Variants in TSC2 observed in about 807,000 individuals in gnomAD.
TSC2 encodes the protein TSC complex subunit 2.
A neutral mutation model predicts 202.2 loss-of-function variants in TSC2; 29 were observed. That is an observed-to-expected ratio of 0.14 (90% CI 0.11 to 0.20). TSC2 has a LOEUF of 0.20. TSC2 is among the 10% of genes least tolerant of loss of function. The pLI is 1.00. For synonymous variants in TSC2, 1,349 were observed against 1,044.0 expected, an observed-to-expected ratio of 1.29 and a Z score of -5.63; for missense variants, 2,429 against 2,420.0, an observed-to-expected ratio of 1.00 and a Z score of -0.08.
intron 5 of TSC2, chr16:2,054,986 C>G: frequency 2.9e-6 from 1 of 346,492 alleles, no homozygotes; most frequent in Non-Finnish European, 5.6e-6. Flanking sequence ...GGCCAGGTGC[C>G]TACCGTCAGG....
chr16:2,083,852 C>CG, intron 33 of TSC2, 36 bp downstream of exon 33: 5 of 1,595,706 alleles, frequency 3.1e-6, no homozygotes, highest in African/African-American at 1.3e-5. Flanking sequence ...CTGCTGACCT[C>CG]GGGGGGCTCC....
chr16:2,089,281 C>A lies in TSC2; in HGVS notation c.*671C>A. On this transcript the variant is annotated 3_prime_UTR_variant, in exon 42 of 42. Coordinates refer to ENST00000219476, the MANE Select transcript of TSC2 (RefSeq NM_000548.5). ...ACACATTTTAACACCATATAAATTA[C>A]TGACACGAGACACACAGTGAGACGG... 4.8e-6 allele frequency: 1 copy of A among 208,534 alleles called. No individual in the cohort carries two copies. Among genetic ancestry groups the A allele is most frequent in the South Asian group, 1.2e-4 (1 of 8,584 alleles). The allele number at this position is 208,534 out of a possible 1,614,324, so 12.9% of individuals were successfully genotyped here.
At chr16:2,055,190 G>A (rs540613401) in intron 5 of TSC2, 8 of 637,458 alleles carry the variant, frequency 1.3e-5, no homozygotes, top group East Asian at 5.6e-5. Context: ...CCCCAGGGGC[G>A]GTAGATCCTA....
At position 2,083,639 on chromosome 16, in the gene TSC2, C is replaced by T; in HGVS notation, c.3884-56C>T. 3 of 1,552,472 alleles carry T rather than the reference C, an allele frequency of 1.9e-6. 1 individual carries two copies. Among genetic ancestry groups the T allele is most frequent in the Non-Finnish European group, 2.6e-6 (3 of 1,148,734 alleles). On this transcript the variant is annotated intron_variant, in intron 32 of 41. Coordinates refer to ENST00000219476, the MANE Select transcript of TSC2 (RefSeq NM_000548.5). ...GAAGGCTGGTTCTCGGAGGCCACGT[C>T]AGGGCCAGGGCCTGGCCCAGCCCCA...
chr16:2,065,659 T>G, intron 16 of TSC2, 24 bp downstream of exon 16: 1 of 1,599,678 alleles, frequency 6.3e-7, no homozygotes, highest in Non-Finnish European at 8.6e-7. Flanking sequence ...ACGAGGCCTC[T>G]GCTCCCGGGG....
chr16:2,076,218 T>G lies in TSC2; in HGVS notation c.2742+48T>G, dbSNP rs771147865. 4 of 1,611,214 alleles carry G rather than the reference T, an allele frequency of 2.5e-6. No homozygotes were observed. The South Asian group carries it at 4.4e-5, about 18-fold the overall frequency. ...CTGTGTCTCTCGGTAGGCCAGGGCT[T>G]GCTTTGCCCTTGGCTGTCCATGGTC... On this transcript the variant is annotated intron_variant, in intron 24 of 41. Coordinates refer to ENST00000219476, the MANE Select transcript of TSC2 (RefSeq NM_000548.5).
Position 2,053,406 on chromosome 16 carries a change from C to T in TSC2, c.290C>T (p.Ala97Val), listed in dbSNP as rs2151027838. 6.3e-7 allele frequency: 1 copy of T among 1,589,366 alleles called. No individual in the cohort carries two copies. Reference sequence around the variant, plus strand: ...TTGCAGCCGGAGCGGCCGCTGGAGGCCCGGCACGCGGTGCTGGCTCTGCTG... The same window carrying T: ...TTGCAGCCGGAGCGGCCGCTGGAGGTCCGGCACGCGGTGCTGGCTCTGCTG... ...DLLQPERPLE[A>V]RHAVLALLKA... Residue 97 changes from alanine (A) to valine (V), a missense_variant, in exon 4 of 42, where the codon GCC becomes GTC. Coordinates refer to ENST00000219476, the MANE Select transcript of TSC2 (RefSeq NM_000548.5).
At chr16:2,074,014 G>A (rs538734394) in intron 21 of TSC2, among the ~76,000 whole-genome samples, 186 bp from the exon 22 acceptor site, 1 of 152,386 alleles carries the variant, frequency 6.6e-6, no homozygotes, top group East Asian at 1.9e-4. Context: ...GAATGCAACT[G>A]ACCGGAGCAG....
chr16:2,063,516 A>G, intron 14 of TSC2: 1 of 272,874 alleles, frequency 3.7e-6, no homozygotes, highest in South Asian at 3.9e-5. Context: ...ACCTTCCTTG[A>G]GAGACATTTG....
chr16:2,058,950 G>A (rs2086262848), intron 10 of TSC2, 77 bp downstream of exon 10: 1 of 1,561,480 alleles, frequency 6.4e-7, no homozygotes, highest in East Asian at 2.3e-5. Context: ...ATCCCACTGG[G>A]GGTCCTGCTG....
chr16:2,063,142 G>C, intron 14 of TSC2, 89 bp downstream of exon 14: 2 of 1,463,896 alleles, frequency 1.4e-6, no homozygotes, highest in Non-Finnish European at 1.9e-6. Flanking sequence ...CCGCAGAGCC[G>C]GGCTCTGCCT....
chr16:2,048,440 C>T, intron 1 of TSC2, 147 bp from the exon 2 acceptor site: 1 of 1,069,816 alleles, frequency 9.3e-7, no homozygotes, highest in East Asian at 2.6e-5. Context: ...AGCTGGTCAG[C>T]TGGGCTGTAG....
At chr16:2,077,337 G>A (rs1283192651) in intron 25 of TSC2, 13 of 529,732 alleles carry the variant, frequency 2.5e-5, no homozygotes, top group East Asian at 6.8e-5. Context: ...TTGCACTGAC[G>A]TTGTTTGTTT....
rs45517374 is a variant in TSC2 at position 2,086,397 on chromosome 16, C to T, written c.4849+18C>T. On this transcript the variant is annotated intron_variant, in intron 37 of 41. Transcript: ENST00000219476. ...CATGCAAGGTACGGCCTGGCGCCTA[C>T]CCGCTCCTGCTGCCCCAGGCCTCAG... The T allele has an allele frequency of 2.7e-5, 44 of 1,609,554 alleles. No individual in the cohort carries two copies. The East Asian group carries it at 9.6e-4, about 35-fold the overall frequency.
rs45517326 is a variant in TSC2 at position 2,084,259 on chromosome 16, C to G, written c.4037C>G (p.Ser1346Trp). The stretch of plus-strand genomic sequence containing the variant: ...TCAGTCTCCAGCCAGGAGGAGAAGT[C>G]GCTCCACGCGGAGGAGCTGGTTGGC... Reference protein sequence around the residue: ...SSSVSSQEEKSLHAEELVGRG... With the variant: ...SSSVSSQEEKWLHAEELVGRG... The change falls in exon 34 of 42, where the codon TCG (serine) becomes TGG (tryptophan). Residue 1346 changes from serine (S) to tryptophan (W), a missense_variant. Ser to Trp is a radical substitution (Grantham distance 177). Transcript: ENST00000219476. The G allele has an allele frequency of 6.2e-7, 1 of 1,605,340 alleles. No homozygotes were observed. Among genetic ancestry groups the G allele is most frequent in the Non-Finnish European group, 8.5e-7 (1 of 1,176,148 alleles).
In TSC2 at chr16:2,071,849, G is replaced by A. The variant is rs775881847; in HGVS notation, c.2012G>A (p.Gly671Asp). The change falls in exon 19 of 42, where the codon GGC becomes GAC. Residue 671 changes from glycine to aspartate, a missense_variant. Physicochemically the swap from Gly to Asp is moderately conservative, Grantham distance 94. Coordinates refer to ENST00000219476, the MANE Select transcript of TSC2 (RefSeq NM_000548.5). ...CTTTCTCCTCCCACAGGGCCTCCTGGCCCGGCGCCTGCAGGCCCCGCCGTG... is the reference window on the plus strand; with the variant it reads ...CTTTCTCCTCCCACAGGGCCTCCTGACCCGGCGCCTGCAGGCCCCGCCGTG... ...GPLSPPTGPP[G>D]PAPAGPAVRL... 4 of 1,557,730 alleles carry A rather than the reference G, an allele frequency of 2.6e-6. No homozygotes were observed. In the East Asian group the frequency reaches 9.5e-5, roughly 37 times the overall value.
intron 9 of TSC2, 104 bp from the exon 10 acceptor site, chr16:2,058,643 G>C: frequency 6.6e-7 from 1 of 1,512,928 alleles, no homozygotes; most frequent in Non-Finnish European, 8.9e-7. Flanking sequence ...CCAAGCACAG[G>C]GACCTCTGGG....
At chr16:2,062,886 C>T (rs1045758559) in intron 13 of TSC2, 86 bp from the exon 14 acceptor site, 31 of 1,449,992 alleles carry the variant, frequency 2.1e-5, no homozygotes, top group African/African-American at 2.0e-4. Flanking sequence ...GACCCAGAGT[C>T]GGGCTGGCCT....
At position 2,088,615 on chromosome 16, in the gene TSC2, G is replaced by C. The variant is rs201342697; in HGVS notation, c.*5G>C. 1.2e-6 allele frequency: 2 copies of C among 1,600,050 alleles called. No individual in the cohort carries two copies. The highest frequency in any genetic ancestry group is 1.1e-5 in the South Asian group (1 of 90,794). ...GACTTCACCGAGTTTGTGTGAGGCC[G>C]GGGCCCTCCCTCCTGCACTGGCCTT... On this transcript the variant is annotated 3_prime_UTR_variant, in exon 42 of 42. Transcript: ENST00000219476.
Sources: allele counts gnomAD v4.1 joint callset (sites outside exome capture counted in the v4.1 genomes callset), GRCh38; gene constraint gnomAD v4.1.1; transcripts MANE v1.5; gene names NCBI Gene and HGNC (gene_info 2026-07-23, HGNC 2026-07-21).